TRIM14: variants seen among roughly 807,000 people sequenced by gnomAD.
The protein encoded by TRIM14 is tripartite motif containing 14, also known as tripartite motif-containing protein 14.
Under a neutral mutation model 44.5 loss-of-function variants are expected in TRIM14, and 28 were observed. That is an observed-to-expected ratio of 0.63 (90% CI 0.47 to 0.86). The LOEUF is 0.86. TRIM14 is among the 40% of genes least tolerant of loss of function. TRIM14 has a pLI of 0.00. For missense variants in TRIM14, 607 were observed against 611.1 expected (o/e 0.99, Z 0.07); for synonymous variants, 299 against 269.2 (o/e 1.11, Z -1.08).
At chr9:98,043,844 C>T in the TRIM14 span, among the ~76,000 whole-genome samples, 1 of 151,802 alleles carries the variant, frequency 6.6e-6, no homozygotes, top group Non-Finnish European at 1.5e-5. Flanking sequence ...TTCTGTGGAC[C>T]TTTGGGCTCT....
the TRIM14 span, among the ~76,000 whole-genome samples, chr9:98,055,841 G>A: frequency 6.6e-6 from 1 of 151,984 alleles, no homozygotes; most frequent in Non-Finnish European, 1.5e-5. Context: ...GGGTTCAAGC[G>A]ATTCTCCTGC....
At chr9:98,049,078 A>T in the TRIM14 span, among the ~76,000 whole-genome samples, 1 of 151,852 alleles carries the variant, frequency 6.6e-6, no homozygotes, top group African/African-American at 2.4e-5. Context: ...GCGGTGGCTC[A>T]TGCCTGTAAT....
the TRIM14 span, among the ~76,000 whole-genome samples, chr9:98,047,916 T>A: frequency 3.9e-5 from 6 of 152,068 alleles, no homozygotes; most frequent in Non-Finnish European, 8.8e-5. Flanking sequence ...AATACAAAAA[T>A]TAGCTGGGCG....
rs1827159116 is a variant in TRIM14, at chr9:98,119,100, C to A, written c.89G>T (p.Arg30Leu). Residue 30 changes from arginine (R) to leucine (L), a missense_variant, in exon 1 of 6, where the codon CGC (arginine) becomes CTC (leucine). Arg to Leu is a moderately radical substitution (Grantham distance 102). This residue lies in a region of TRIM14 where 246 missense variants were observed against 270.8 expected (regional missense o/e 0.91). Coordinates refer to ENST00000341469, the MANE Select transcript of TRIM14 (RefSeq NM_014788.4). ...CGWRCPEHGD[R>L]VAELFCRRCR... ...GCGGCGACAGAAGAGCTCAGCCACG[C>A]GGTCGCCATGCTCCGGGCAGCGCCA... 1 of 1,587,216 alleles carries A rather than the reference C, an allele frequency of 6.3e-7. No homozygotes were observed. Among genetic ancestry groups the A allele is most frequent in the African/African-American group, 1.4e-5 (1 of 72,862 alleles).
Position 98,087,767 on chromosome 9 carries a change from A to G in TRIM14, c.1032T>C (p.Leu344=). 3 of 1,532,038 alleles carry G rather than the reference A, an allele frequency of 2.0e-6. No individual in the cohort carries two copies. The South Asian group carries it at 3.6e-5, about 19-fold the overall frequency. 94.9% of individuals were successfully genotyped at this position (1,532,038 alleles called of 1,614,324 possible). The change falls in exon 6 of 6, where the codon CTT becomes CTC. Residue 344 remains leucine (L), a synonymous_variant. Transcript: ENST00000341469. ...GWWVGAAYAS[L]RRRGASAAAR... is the part of the protein sequence containing the mutation. Reference sequence around the variant, plus strand: ...CGGCGGCCGAGGCCCCGCGGCGCCGAAGGGAGGCGTAGGCCGCGCCCACCC... The same window carrying G: ...CGGCGGCCGAGGCCCCGCGGCGCCGGAGGGAGGCGTAGGCCGCGCCCACCC...
At chr9:98,118,906 G>C in intron 1 of TRIM14, 76 bp downstream of exon 1, 1 of 1,392,894 alleles carries the variant, frequency 7.2e-7, no homozygotes, top group South Asian at 1.5e-5. Flanking sequence ...GGCCAGGCAC[G>C]CCCCCTCCTC....
downstream of TRIM14, among the ~76,000 whole-genome samples, chr9:98,083,874 G>C (rs940650000): frequency 5.9e-5 from 9 of 152,224 alleles, no homozygotes; most frequent in African/African-American, 2.2e-4. Flanking sequence ...GCTATAATAC[G>C]ATCTTGGATG....
chr9:98,054,274 GA>G, the TRIM14 span, among the ~76,000 whole-genome samples: 1 of 152,136 alleles, frequency 6.6e-6, no homozygotes. Flanking sequence ...AAGACGGACA[GA>G]AGGCCTTCCA....
chr9:98,067,191 C>T (rs1325517120), downstream of TRIM14, among the ~76,000 whole-genome samples: 1 of 152,120 alleles, frequency 6.6e-6, no homozygotes, highest in Non-Finnish European at 1.5e-5. Flanking sequence ...TACTCTTTGG[C>T]TGTTATGAAT....
At chr9:98,052,021 C>T in the TRIM14 span, among the ~76,000 whole-genome samples, 2 of 152,044 alleles carry the variant, frequency 1.3e-5, no homozygotes, top group African/African-American at 2.4e-5. Flanking sequence ...AAAATATATT[C>T]GCTACCTGGT....
chr9:98,060,603 T>C, the TRIM14 span, among the ~76,000 whole-genome samples: 2 of 151,090 alleles, frequency 1.3e-5, no homozygotes. Flanking sequence ...CCGGGAGGCA[T>C]TGGTTGTAGT....
the TRIM14 span, among the ~76,000 whole-genome samples, chr9:98,040,260 G>A: frequency 7.9e-5 from 12 of 152,108 alleles, no homozygotes; most frequent in Non-Finnish European, 1.5e-5. Context: ...TTTGACAACT[G>A]AGCTTTTTCA....
At chr9:98,099,280 C>T (rs1826300660) in intron 3 of TRIM14, among the ~76,000 whole-genome samples, 1 of 151,938 alleles carries the variant, frequency 6.6e-6, no homozygotes, top group Non-Finnish European at 1.5e-5. Flanking sequence ...TGGAGAAACC[C>T]TGTCTCTACT....
At chr9:98,091,737 T>C (rs1825999652) in intron 5 of TRIM14, among the ~76,000 whole-genome samples, 172 bp downstream of exon 5, 1 of 152,152 alleles carries the variant, frequency 6.6e-6, no homozygotes. Flanking sequence ...GAACATGTAT[T>C]GTTTTATTGC....
At chr9:98,114,037 C>T (rs542904114) in intron 1 of TRIM14, among the ~76,000 whole-genome samples, 3 of 152,068 alleles carry the variant, frequency 2.0e-5, no homozygotes, top group Non-Finnish European at 4.4e-5. Flanking sequence ...TAACCAGGAC[C>T]CCTGGAAGTC....
chr9:98,049,479 A>G, the TRIM14 span, among the ~76,000 whole-genome samples: 1 of 151,878 alleles, frequency 6.6e-6, no homozygotes, highest in Non-Finnish European at 1.5e-5. Context: ...GTTTTCCAGG[A>G]AAGGGGTGGG....
Position 98,085,903 on chromosome 9 carries a change from G to A in TRIM14, c.*1567C>T, listed in dbSNP as rs892349577. ...CCTCCCACCAAGCACCTATGAAGAT[G>A]CTTTAACAGAATATAACTTCAAAAC... On this transcript the variant is annotated 3_prime_UTR_variant, in exon 6 of 6. Transcript: ENST00000341469. The A allele has an allele frequency of 1.3e-5, 2 of 152,168 alleles. No individual in the cohort carries two copies. Among genetic ancestry groups the A allele is most frequent in the Non-Finnish European group, 2.9e-5 (2 of 68,052 alleles). The allele number at this position is 152,168 out of a possible 1,614,324, so 9.4% of individuals were successfully genotyped here. A position where few individuals can be genotyped will look rare whatever the true frequency, so the allele number is the denominator to read the frequency against.
the TRIM14 span, among the ~76,000 whole-genome samples, chr9:98,040,868 G>A: frequency 6.6e-6 from 1 of 152,224 alleles, no homozygotes; most frequent in Admixed American, 6.5e-5. Flanking sequence ...TCTTGGCCAG[G>A]CTGCTCTTGA....
At chr9:98,104,712 G>C (rs1426286721) in intron 2 of TRIM14, among the ~76,000 whole-genome samples, 1 of 152,144 alleles carries the variant, frequency 6.6e-6, no homozygotes, top group African/African-American at 2.4e-5. Context: ...AGCTGAGCAG[G>C]GTCTAAGGAC....
Sources: gnomAD v4.1 joint callset for allele counts (sites outside exome capture counted in the v4.1 genomes callset) on GRCh38, gnomAD v4.1.1 for gene constraint, gnomAD v4.1.1 regional missense constraint, MANE v1.5 for transcripts, NCBI Gene and HGNC (gene_info 2026-07-23, HGNC 2026-07-21) for gene names.